The following AKAP8 variants were observed in gnomAD, a reference collection of about 807,000 sequenced individuals.
AKAP8 encodes A-kinase anchor protein 8.
A neutral mutation model predicts 67.5 loss-of-function variants in AKAP8; 24 were observed. The ratio of observed to expected loss-of-function variants is 0.36; its 90% CI spans 0.26 to 0.50. AKAP8 has a LOEUF of 0.50. Ranked by LOEUF, AKAP8 falls within the 20% of genes least tolerant of loss-of-function variation. The pLI is 0.97. For synonymous variants in AKAP8, 400 were observed against 371.1 expected (o/e 1.08, Z -0.90); for missense variants, 971 against 955.9 (o/e 1.02, Z -0.21).
At chr19:15,377,212 C>G (rs1386500138) in intron 1 of AKAP8, among the ~76,000 whole-genome samples, 198 bp from the exon 2 acceptor site, 1 of 152,180 alleles carries the variant, frequency 6.6e-6, no homozygotes, top group South Asian at 2.1e-4. Flanking sequence ...GAGATCAAAG[C>G]AGAAAAAGAA....
At chr19:15,356,339 A>G (rs965720604) in intron 13 of AKAP8, among the ~76,000 whole-genome samples, 7 of 152,068 alleles carry the variant, frequency 4.6e-5, no homozygotes, top group Non-Finnish European at 1.0e-4. Context: ...TGGGAGGCGG[A>G]GCTTGCAGTA....
At position 15,367,389 on chromosome 19, in the gene AKAP8, G is replaced by A. The variant is rs1298656201; in HGVS notation, c.1160+846C>T. Among the ~76,000 whole-genome samples the A allele has an allele frequency of 3.9e-5, 6 of 152,158 alleles. No individual in the cohort carries two copies. The East Asian group carries it at 5.8e-4, about 15-fold the overall frequency. On this transcript the variant is annotated intron_variant, in intron 9 of 13. Transcript: ENST00000269701. ...CTAAAAATACAAAAATTAGCCAGGC[G>A]TGGTGTCAGGCGCCTGTAATCCCAG...
At position 15,355,185 on chromosome 19, in the gene AKAP8, C is replaced by A. The variant is rs140732196; in HGVS notation, c.1809G>T (p.Pro603=). Residue 603 remains proline, a synonymous_variant, in exon 14 of 14, where the codon CCG becomes CCT. Coordinates refer to ENST00000269701, the MANE Select transcript of AKAP8 (RefSeq NM_005858.4). ...TGTCCGTGGGGCCTTCGTCCTCAGCCGGCTCCCCGCTGCTCTCTGGAGCGG... is the reference window on the plus strand; with the variant it reads ...TGTCCGTGGGGCCTTCGTCCTCAGCAGGCTCCCCGCTGCTCTCTGGAGCGG... ...GAPAPESSGE[P]AEDEGPTDTA... is the part of the protein sequence containing the mutation. 9 of 1,611,988 alleles carry A rather than the reference C, an allele frequency of 5.6e-6. No individual in the cohort carries two copies. The South Asian group carries it at 7.7e-5, about 14-fold the overall frequency.
chr19:15,354,945 T>C lies in AKAP8; in HGVS notation c.2049A>G (p.Ala683=). The C allele has an allele frequency of 6.2e-7, 1 of 1,614,196 alleles. No homozygotes were observed. Among genetic ancestry groups the C allele is most frequent in the East Asian group, 2.2e-5 (1 of 44,890 alleles). ...CTGTGGGAACAGCGTCTTTAGACTC[T>C]GCATCAGTTTGTTCCACTTCAGCAT... is the stretch of plus-strand genomic sequence containing the variant. ...AADAEVEQTD[A]ESKDAVPTE The change falls in exon 14 of 14, where the codon GCA becomes GCG. Residue 683 remains alanine, a synonymous_variant. Coordinates refer to ENST00000269701, the MANE Select transcript of AKAP8 (RefSeq NM_005858.4).
intron 1 of AKAP8, 134 bp downstream of exon 1, chr19:15,379,579 G>A: frequency 2.0e-6 from 2 of 1,009,282 alleles, no homozygotes; most frequent in Admixed American, 3.9e-5. Context: ...GCGCGCCCTG[G>A]CCGCCTCTCC....
rs926644648 is a variant in AKAP8 at position 15,358,120 on chromosome 19, C to T, written c.1623+847G>A. ...GTGGGCTGGGACTTAGCCACCTGCC[C>T]CAAATGCTAAAGTCCTGGGATGAAC... On this transcript the variant is annotated intron_variant, in intron 13 of 13. Coordinates refer to ENST00000269701, the MANE Select transcript of AKAP8 (RefSeq NM_005858.4). 5.9e-5 allele frequency among the ~76,000 whole-genome samples: 9 copies of T among 152,210 alleles called. No individual in the cohort carries two copies. In the East Asian group the frequency reaches 1.7e-3, roughly 29 times the overall value.
chr19:15,354,904 G>T lies in AKAP8; in HGVS notation c.*11C>A, dbSNP rs560007341. 6.2e-7 allele frequency: 1 copy of T among 1,611,892 alleles called. No homozygotes were observed. Among genetic ancestry groups the T allele is most frequent in the East Asian group, 2.2e-5 (1 of 44,844 alleles). ...CATCCCAACGCCTTCCCTGGAACAGGGAAATGAGCATCATTCTGTGGGAAC... is the reference window on the plus strand; with the variant it reads ...CATCCCAACGCCTTCCCTGGAACAGTGAAATGAGCATCATTCTGTGGGAAC... On this transcript the variant is annotated 3_prime_UTR_variant, in exon 14 of 14. Coordinates refer to ENST00000269701, the MANE Select transcript of AKAP8 (RefSeq NM_005858.4).
At chr19:15,375,697 C>T (rs1037087285) in intron 2 of AKAP8, among the ~76,000 whole-genome samples, 5 of 147,150 alleles carry the variant, frequency 3.4e-5, no homozygotes, top group Non-Finnish European at 3.0e-5. Context: ...AGTGCAGTGG[C>T]GCGATCTCGG....
Position 15,373,100 on chromosome 19 carries a change from GAAGGTGCCAGGGTTGCTCCGGT to G in AKAP8, c.590_611del (p.Asp197AlafsTer24). The G allele has an allele frequency of 6.2e-7, 1 of 1,612,352 alleles. No individual in the cohort carries two copies. ...GGGGCACGAAGGGGTCGCTGCGCAT[GAAGGTGCCAGGGTTGCTCCGGT>G]CCTGGAAGCGGCCCTGGCCCCGGCC... On this transcript the variant is annotated frameshift_variant, in exon 5 of 14. Transcript: ENST00000269701. LOFTEE classifies it high-confidence loss of function.
chr19:15,361,993 T>C lies in AKAP8; in HGVS notation c.1302+117A>G, dbSNP rs1211221358. The C allele has an allele frequency of 1.6e-5, 23 of 1,457,604 alleles. No individual in the cohort carries two copies. In the East Asian group the frequency reaches 4.9e-4, roughly 31 times the overall value. 90.3% of individuals were successfully genotyped at this position (1,457,604 alleles called of 1,614,324 possible). ...GACTCAGGGACTTACACAGCTACTC[T>C]ATCTGGGAAAGGAAACCTTGGCCAA... On this transcript the variant is annotated intron_variant, in intron 10 of 13. Transcript: ENST00000269701.
intron 9 of AKAP8, among the ~76,000 whole-genome samples, chr19:15,367,660 G>C (rs1384470508): frequency 1.3e-5 from 2 of 152,226 alleles, no homozygotes; most frequent in Non-Finnish European, 2.9e-5. Flanking sequence ...GGAGAGGCAG[G>C]CACATGGTGT....
intron 9 of AKAP8, among the ~76,000 whole-genome samples, chr19:15,362,507 G>A (rs987498463): frequency 2.0e-5 from 3 of 151,932 alleles, no homozygotes; most frequent in South Asian, 2.1e-4. Flanking sequence ...GCAGGCGCGC[G>A]CCGCCACGCC....
intron 4 of AKAP8, among the ~76,000 whole-genome samples, chr19:15,373,553 T>C (rs1470808657): frequency 6.6e-6 from 1 of 151,674 alleles, no homozygotes; most frequent in Non-Finnish European, 1.5e-5. Context: ...TAGCATGATG[T>C]AGAAAAAAGG....
At chr19:15,374,180 C>G (rs1967212153) in intron 3 of AKAP8, 115 bp from the exon 4 acceptor site, 3 of 1,258,422 alleles carry the variant, frequency 2.4e-6, no homozygotes, top group Non-Finnish European at 3.2e-6. Context: ...GTGTGGGACC[C>G]AGTGCTGCTG....
chr19:15,374,012 C>T lies in AKAP8; in HGVS notation c.145G>A (p.Ala49Thr), dbSNP rs1293704113. Residue 49 changes from alanine to threonine, a missense_variant, in exon 4 of 14, where the codon GCA becomes ACA. Around this residue, in one of 3 missense-constraint regions of AKAP8, gnomAD observed 763 missense variants for 745.4 expected, o/e 1.02. Coordinates refer to ENST00000269701, the MANE Select transcript of AKAP8 (RefSeq NM_005858.4). ...GAGGCTGGGCCGTAGCTGTAGGTTG[C>T]GCCTGTGGTGACACTGGTGTTCTGG... ...GAQNTSVTTG[A>T]TYSYGPASWE... is the part of the protein sequence containing the mutation. 7.5e-6 allele frequency: 12 copies of T among 1,603,736 alleles called. No individual in the cohort carries two copies. In the East Asian group the frequency reaches 1.1e-4, roughly 15 times the overall value.
At chr19:15,359,156 C>T (rs1966924477) in intron 12 of AKAP8, 94 bp from the exon 13 acceptor site, 12 of 1,142,088 alleles carry the variant, frequency 1.1e-5, no homozygotes, top group Non-Finnish European at 1.4e-5. Flanking sequence ...CTGAGATCAG[C>T]CCTATGCAGA....
intron 13 of AKAP8, among the ~76,000 whole-genome samples, chr19:15,356,124 G>A (rs570085325): frequency 6.6e-6 from 1 of 152,228 alleles, no homozygotes; most frequent in African/African-American, 2.4e-5. Context: ...CATGAGGCCG[G>A]GCGTGATGGC....
At chr19:15,374,501 C>T in intron 3 of AKAP8, 102 bp downstream of exon 3, 2 of 1,393,030 alleles carry the variant, frequency 1.4e-6, no homozygotes, top group Admixed American at 2.2e-5. Flanking sequence ...AGGAACAGAG[C>T]CAGAAAGTCC....
rs545139965 is a variant in AKAP8, at chr19:15,356,501, C to T, written c.1624-1131G>A. On this transcript the variant is annotated intron_variant, in intron 13 of 13. Transcript: ENST00000269701. ...AGTTTCATTAAGGTACAGTGGCTCA[C>T]GCCTGTAATCCCAGCACTTTGGGAG... is the stretch of plus-strand genomic sequence containing the variant. Among the ~76,000 whole-genome samples, 25 of 152,244 alleles carry T rather than the reference C, an allele frequency of 1.6e-4. No homozygotes were observed. The South Asian group carries it at 4.1e-3, about 25-fold the overall frequency.
Sources: allele counts gnomAD v4.1 joint callset (sites outside exome capture counted in the v4.1 genomes callset), GRCh38; gene constraint gnomAD v4.1.1; regional missense constraint gnomAD v4.1.1; transcripts MANE v1.5; gene names NCBI Gene and HGNC (gene_info 2026-07-23, HGNC 2026-07-21).